Variants in PCSK5 observed in about 807,000 individuals in gnomAD.
PCSK5 encodes prohormone convertase 5.
Under a neutral mutation model 233.2 loss-of-function variants are expected in PCSK5, and 129 were observed. The ratio of observed to expected loss-of-function variants is 0.55; its 90% CI spans 0.48 to 0.64. The LOEUF is 0.64. Ranked by LOEUF, PCSK5 falls within the 30% of genes least tolerant of loss-of-function variation. PCSK5 has a pLI of 0.00. For missense variants in PCSK5, 2,076 were observed against 2,430.1 expected, an observed-to-expected ratio of 0.85 and a Z score of 3.06; for synonymous variants, 825 against 879.2, an observed-to-expected ratio of 0.94 and a Z score of 1.09.
At chr9:75,899,025 C>A (rs944243184) in intron 1 of PCSK5, among the ~76,000 whole-genome samples, 1 of 151,946 alleles carries the variant, frequency 6.6e-6, no homozygotes, top group Non-Finnish European at 1.5e-5. Flanking sequence ...ATTGTGTTGG[C>A]AATGATTATT....
chr9:75,928,596 CATATATATATATATATATATATAT>C (rs61537466), intron 1 of PCSK5, among the ~76,000 whole-genome samples: 40 of 68,416 alleles, frequency 5.8e-4, no homozygotes, highest in South Asian at 4.6e-3. Context: ...CATATAAATA[CATATATATATATATATATATATAT>C]ATATATATAT....
rs1587309865 is a variant in PCSK5, at chr9:76,310,805, C to T, written c.3838C>T (p.His1280Tyr). ...CAAAAAATGCCAGATGCAGCCGGGC[C>T]ACCCTCTCTTCCTCCATGAAGGCAG... is the stretch of plus-strand genomic sequence containing the variant. Reference protein sequence around the residue: ...LCKKCQMQPGHPLFLHEGRCY... With the variant: ...LCKKCQMQPGYPLFLHEGRCY... The change falls in exon 30 of 38, where the codon CAC becomes TAC. Residue 1280 changes from histidine to tyrosine, a missense_variant. Transcript: ENST00000674117. The T allele has an allele frequency of 1.2e-6, 2 of 1,611,054 alleles. No individual in the cohort carries two copies. The highest frequency in any genetic ancestry group is 2.2e-5 in the South Asian group (2 of 90,634).
chr9:76,232,049 T>C (rs184680331), intron 21 of PCSK5, among the ~76,000 whole-genome samples: 3 of 152,254 alleles, frequency 2.0e-5, no homozygotes, highest in South Asian at 4.1e-4. Flanking sequence ...GCAAGTGACA[T>C]ACTATTCAGG....
chr9:76,329,362 G>C (rs930699548), intron 33 of PCSK5, among the ~76,000 whole-genome samples: 2 of 150,914 alleles, frequency 1.3e-5, no homozygotes, highest in Non-Finnish European at 2.9e-5. Flanking sequence ...GTCTCACTGT[G>C]TTCCCCAGGC....
At chr9:76,291,021 G>A in intron 24 of PCSK5, among the ~76,000 whole-genome samples, 1 of 152,230 alleles carries the variant, frequency 6.6e-6, no homozygotes, top group East Asian at 1.9e-4. Flanking sequence ...CAAACAGGAA[G>A]CTCAACTTCC....
chr9:76,104,553 C>G (rs1831900002), intron 8 of PCSK5, among the ~76,000 whole-genome samples: 2 of 152,128 alleles, frequency 1.3e-5, no homozygotes, highest in African/African-American at 4.8e-5. Context: ...AGTTGTATGC[C>G]TAGATACCTT....
In PCSK5 at chr9:76,175,289, A is replaced by C. The variant is rs760051226; in HGVS notation, c.1900+160A>C. 2.7e-3 allele frequency: 1,642 copies of C among 601,802 alleles called. 31 individuals carry two copies. In the African/African-American group the frequency reaches 0.029, roughly 10 times the overall value. The allele number at this position is 601,802 out of a possible 1,614,324, so 37.3% of individuals were successfully genotyped here. A position where few individuals can be genotyped will look rare whatever the true frequency, so the allele number is the denominator to read the frequency against. The stretch of plus-strand genomic sequence containing the variant: ...ATGGAATGGAATCGAATCGAATCGA[A>C]TCGAATAGAATAGAATAGAATAGAA... On this transcript the variant is annotated intron_variant, in intron 14 of 37. Coordinates refer to ENST00000674117, the MANE Select transcript of PCSK5 (RefSeq NM_001372043.1).
rs534180560 is a variant in PCSK5 at position 76,132,232 on chromosome 9, T to G, written c.1209-1877T>G. ...GAATTTAGTGTTTGTCAGCAAAGGC[T>G]CAAATCATGCTATTTGTTTTAGAAG... On this transcript the variant is annotated intron_variant, in intron 9 of 37. Coordinates refer to ENST00000674117, the MANE Select transcript of PCSK5 (RefSeq NM_001372043.1). Among the ~76,000 whole-genome samples, 3 of 152,220 alleles carry G rather than the reference T, an allele frequency of 2.0e-5. No individual in the cohort carries two copies. The South Asian group carries it at 6.2e-4, about 32-fold the overall frequency.
chr9:76,023,307 C>G (rs1301476043), intron 3 of PCSK5, among the ~76,000 whole-genome samples: 1 of 152,034 alleles, frequency 6.6e-6, no homozygotes, highest in African/African-American at 2.4e-5. Flanking sequence ...CTTGTTCATG[C>G]TGGAGATCTA....
At chr9:76,234,817 GTTTGTAGCTGCTTA>G (rs1826199377) in intron 22 of PCSK5, among the ~76,000 whole-genome samples, 1 of 152,196 alleles carries the variant, frequency 6.6e-6, no homozygotes, top group Non-Finnish European at 1.5e-5. Flanking sequence ...TACTGTTATT[GTTTGTAGCTGCTTA>G]GTCTTTTGAG....
chr9:76,007,053 T>G (rs546690598), intron 3 of PCSK5, among the ~76,000 whole-genome samples: 69 of 152,336 alleles, frequency 4.5e-4, no homozygotes, highest in African/African-American at 1.6e-3. Flanking sequence ...ATTTATGCCT[T>G]TCTTCAATGC....
At chr9:76,003,870 G>A (rs747340299) in intron 3 of PCSK5, among the ~76,000 whole-genome samples, 14 of 152,040 alleles carry the variant, frequency 9.2e-5, no homozygotes, top group Non-Finnish European at 2.1e-4. Flanking sequence ...GTACAGTGGT[G>A]TGATCACGGC....
At chr9:76,287,750 C>T (rs981832446) in intron 24 of PCSK5, 3 of 166,158 alleles carry the variant, frequency 1.8e-5, no homozygotes, top group East Asian at 1.7e-4. Flanking sequence ...TGAGCCACCG[C>T]GCCCGGCCAG....
intron 3 of PCSK5, among the ~76,000 whole-genome samples, chr9:75,997,226 G>A (rs1827058853): frequency 6.6e-6 from 1 of 152,160 alleles, no homozygotes; most frequent in Non-Finnish European, 1.5e-5. Flanking sequence ...CCTGTGTTGA[G>A]ATTCAAGTTC....
At chr9:76,013,620 T>C (rs531494172) in intron 3 of PCSK5, among the ~76,000 whole-genome samples, 1 of 152,294 alleles carries the variant, frequency 6.6e-6, no homozygotes, top group South Asian at 2.1e-4. Context: ...TGTTAATTCG[T>C]CCATTCACCC....
At chr9:76,189,547 G>C (rs1447628218) in intron 19 of PCSK5, 84 bp from the exon 20 acceptor site, 1 of 826,774 alleles carries the variant, frequency 1.2e-6, no homozygotes, top group Non-Finnish European at 2.0e-6. Context: ...ATAATTAAAT[G>C]TAAGACATTA....
At position 76,071,860 on chromosome 9, in the gene PCSK5, C is replaced by T; in HGVS notation, c.856C>T (p.Pro286Ser). 6.2e-7 allele frequency: 1 copy of T among 1,614,142 alleles called. No individual in the cohort carries two copies. The highest frequency in any genetic ancestry group is 8.5e-7 in the Non-Finnish European group (1 of 1,180,026). The change falls in exon 7 of 38, where the codon CCC becomes TCC. Residue 286 changes from proline to serine, a missense_variant. By Grantham distance (74) the Pro-to-Ser change is moderately conservative (BLOSUM62 -1). This residue lies in a region of PCSK5 where 178 missense variants were observed against 393.6 expected (regional missense o/e 0.45). Coordinates refer to ENST00000674117, the MANE Select transcript of PCSK5 (RefSeq NM_001372043.1). Reference sequence around the variant, plus strand: ...TGGCAAGACTGTGGACGGACCAGCCCCCCTCACCCGGCAAGCCTTTGAAAA... The same window carrying T: ...TGGCAAGACTGTGGACGGACCAGCCTCCCTCACCCGGCAAGCCTTTGAAAA... Reference protein sequence around the residue: ...DDGKTVDGPAPLTRQAFENGV... With the variant: ...DDGKTVDGPASLTRQAFENGV...
At chr9:75,891,558 CA>C (rs1564063675) in intron 1 of PCSK5, among the ~76,000 whole-genome samples, 185 bp downstream of exon 1, 4 of 151,802 alleles carry the variant, frequency 2.6e-5, no homozygotes, top group African/African-American at 9.7e-5. Flanking sequence ...CACACACACA[CA>C]CACACCCCAG....
chr9:76,360,653 GACAA>G lies in PCSK5; in HGVS notation c.*1735_*1738del, dbSNP rs1468632349. 1 of 151,992 alleles carries G rather than the reference GACAA, an allele frequency of 6.6e-6. No homozygotes were observed. The highest frequency in any genetic ancestry group is 2.4e-5 in the African/African-American group (1 of 41,398). 9.4% of individuals were successfully genotyped at this position (151,992 alleles called of 1,614,324 possible). On this transcript the variant is annotated 3_prime_UTR_variant, in exon 38 of 38. Transcript: ENST00000674117. ...AGAGGAAAGCTCTTAAAACAGGGTT[GACAA>G]ACAGTCTCTGGAAAGAGCCAGCTAG...
Sources: allele counts gnomAD v4.1 joint callset (sites outside exome capture counted in the v4.1 genomes callset), GRCh38; gene constraint gnomAD v4.1.1; regional missense constraint gnomAD v4.1.1; transcripts MANE v1.5; gene names NCBI Gene and HGNC (gene_info 2026-07-23, HGNC 2026-07-21).